The following CCDC85A variants were observed in gnomAD, a reference collection of about 807,000 sequenced individuals.
The protein encoded by CCDC85A is coiled-coil domain-containing protein 85A.
Under a neutral mutation model 50.2 loss-of-function variants are expected in CCDC85A, and 38 were observed. That is an observed-to-expected ratio of 0.76 (90% CI 0.58 to 0.99). CCDC85A has a LOEUF of 0.99. Among genes scored for constraint, CCDC85A ranks in the 50% least tolerant of loss-of-function variants. CCDC85A has a pLI of 0.00. For missense variants in CCDC85A, 820 were observed against 742.0 expected (o/e 1.11, Z -1.22); for synonymous variants, 366 against 301.4 (o/e 1.21, Z -2.22).
intron 2 of CCDC85A, among the ~76,000 whole-genome samples, chr2:56,258,553 T>C (rs1670085040): frequency 6.6e-6 from 1 of 152,206 alleles, no homozygotes; most frequent in South Asian, 2.1e-4. Context: ...TGAGACTGTT[T>C]GGCATCCCAG....
At chr2:56,358,095 C>G (rs542860476) in intron 3 of CCDC85A, among the ~76,000 whole-genome samples, 32 of 152,304 alleles carry the variant, frequency 2.1e-4, no homozygotes, top group African/African-American at 7.7e-4. Flanking sequence ...AGACTTGTCA[C>G]GTGACACTTT....
chr2:56,354,962 G>T (rs1675146225), intron 3 of CCDC85A, among the ~76,000 whole-genome samples: 1 of 152,166 alleles, frequency 6.6e-6, no homozygotes, highest in Non-Finnish European at 1.5e-5. Context: ...CCCAAATTGG[G>T]ATCACAGAAA....
chr2:56,220,157 G>A (rs189888153), intron 2 of CCDC85A, among the ~76,000 whole-genome samples: 62 of 152,090 alleles, frequency 4.1e-4, no homozygotes, highest in African/African-American at 1.5e-3. Flanking sequence ...TGAGATGTTA[G>A]TGTTCTTGGA....
In CCDC85A at chr2:56,193,453, G is replaced by T; in HGVS notation, c.1240+13G>T. On this transcript the variant is annotated intron_variant, in intron 2 of 5. Coordinates refer to ENST00000407595, the MANE Select transcript of CCDC85A (RefSeq NM_001080433.2). ...AGTGGCATGAACGGTGGGTCAGTATGTGCTGGGGTGCTGCTTGGGCTGGGG... is the reference window on the plus strand; with the variant it reads ...AGTGGCATGAACGGTGGGTCAGTATTTGCTGGGGTGCTGCTTGGGCTGGGG... 6.4e-7 allele frequency: 1 copy of T among 1,573,688 alleles called. No individual in the cohort carries two copies. The highest frequency in any genetic ancestry group is 8.6e-7 in the Non-Finnish European group (1 of 1,159,274).
At chr2:56,236,626 C>T (rs1669027468) in intron 2 of CCDC85A, among the ~76,000 whole-genome samples, 2 of 152,172 alleles carry the variant, frequency 1.3e-5, no homozygotes, top group South Asian at 4.1e-4. Context: ...TTTCACATTT[C>T]CTTTCAAAAT....
At chr2:56,230,848 C>G (rs979220232) in intron 2 of CCDC85A, among the ~76,000 whole-genome samples, 1 of 152,128 alleles carries the variant, frequency 6.6e-6, no homozygotes, top group Non-Finnish European at 1.5e-5. Context: ...CTGGAAGGGT[C>G]TAGTAGGTGA....
chr2:56,359,351 C>T (rs1015018421), intron 3 of CCDC85A, among the ~76,000 whole-genome samples: 1 of 152,120 alleles, frequency 6.6e-6, no homozygotes, highest in African/African-American at 2.4e-5. Flanking sequence ...AGGGAAGATC[C>T]TCCCATATAG....
intron 3 of CCDC85A, among the ~76,000 whole-genome samples, chr2:56,360,101 G>A (rs780233652): frequency 9.9e-5 from 15 of 152,164 alleles, no homozygotes; most frequent in African/African-American, 1.4e-4. Flanking sequence ...TGATGTTCAC[G>A]TTGTATGCTA....
At chr2:56,346,176 A>G (rs1674622334) in intron 3 of CCDC85A, among the ~76,000 whole-genome samples, 2 of 152,220 alleles carry the variant, frequency 1.3e-5, no homozygotes, top group African/African-American at 4.8e-5. Context: ...AATTGTATAT[A>G]ATGAACAGAA....
At chr2:56,336,317 C>T (rs1375430552) in intron 2 of CCDC85A, among the ~76,000 whole-genome samples, 1 of 152,046 alleles carries the variant, frequency 6.6e-6, no homozygotes, top group African/African-American at 2.4e-5. Context: ...CCACACCTGG[C>T]TAATTTTTGT....
At chr2:56,245,990 AT>A (rs1481697800) in intron 2 of CCDC85A, among the ~76,000 whole-genome samples, 3 of 152,150 alleles carry the variant, frequency 2.0e-5, no homozygotes, top group Non-Finnish European at 2.9e-5. Context: ...AAGACAAGTT[AT>A]TTGGCTCGCT....
intron 3 of CCDC85A, among the ~76,000 whole-genome samples, chr2:56,371,801 A>G (rs1676085999): frequency 6.6e-6 from 1 of 152,140 alleles, no homozygotes; most frequent in African/African-American, 2.4e-5. Context: ...ATTTTAATGC[A>G]GTGATGACCT....
chr2:56,336,164 AT>A (rs35716693), intron 2 of CCDC85A, among the ~76,000 whole-genome samples: 1 of 151,278 alleles, frequency 6.6e-6, no homozygotes, highest in African/African-American at 2.4e-5. Context: ...TTATTTATTT[AT>A]TTTTTCAGAT....
At chr2:56,263,190 G>A (rs1180773304) in intron 2 of CCDC85A, among the ~76,000 whole-genome samples, 2 of 152,144 alleles carry the variant, frequency 1.3e-5, no homozygotes, top group African/African-American at 4.8e-5. Context: ...AAAGAGCCCA[G>A]CACCCTTAGG....
At chr2:56,383,894 G>A (rs1262642456) in intron 5 of CCDC85A, 1 of 333,358 alleles carries the variant, frequency 3.0e-6, no homozygotes, top group Admixed American at 6.5e-5. Flanking sequence ...TAAAAATGCA[G>A]TTGTCCATGC....
intron 3 of CCDC85A, among the ~76,000 whole-genome samples, chr2:56,363,270 C>A (rs1461699202): frequency 6.6e-6 from 1 of 152,022 alleles, no homozygotes; most frequent in Non-Finnish European, 1.5e-5. Context: ...TTCATTTTTC[C>A]CTGCCAGAGA....
intron 2 of CCDC85A, among the ~76,000 whole-genome samples, chr2:56,237,414 A>G (rs1451610625): frequency 2.0e-5 from 3 of 152,232 alleles, no homozygotes; most frequent in Non-Finnish European, 2.9e-5. Flanking sequence ...TTCACATAAC[A>G]TCATAGAGAT....
chr2:56,377,894 A>G (rs1030565786), intron 5 of CCDC85A, among the ~76,000 whole-genome samples: 13 of 152,046 alleles, frequency 8.6e-5, no homozygotes, highest in Non-Finnish European at 1.3e-4. Context: ...TCTCAAAAAA[A>G]AAAAAAAAAG....
At position 56,294,631 on chromosome 2, in the gene CCDC85A, A is replaced by G. The variant is rs994638912; in HGVS notation, c.1241-48248A>G. Among the ~76,000 whole-genome samples, 5 of 152,304 alleles carry G rather than the reference A, an allele frequency of 3.3e-5. No individual in the cohort carries two copies. The South Asian group carries it at 1.0e-3, about 32-fold the overall frequency. On this transcript the variant is annotated intron_variant, in intron 2 of 5. Transcript: ENST00000407595. ...GACAATTTGATTCACATCTTTTATCAGTCATTTCCTCTATGATTATGTAGG... is the reference window on the plus strand; with the variant it reads ...GACAATTTGATTCACATCTTTTATCGGTCATTTCCTCTATGATTATGTAGG...
Sources: allele counts gnomAD v4.1 joint callset (sites outside exome capture counted in the v4.1 genomes callset), GRCh38; gene constraint gnomAD v4.1.1; transcripts MANE v1.5; gene names NCBI Gene and HGNC (gene_info 2026-07-23, HGNC 2026-07-21).